The following CNTNAP2 variants were observed in gnomAD, a reference collection of about 807,000 sequenced individuals.
CNTNAP2 encodes the protein contactin-associated protein-like 2.
CNTNAP2 carries 98 observed loss-of-function variants against 155.2 expected under a neutral mutation model. The observed-to-expected ratio is 0.63, with a 90% CI of 0.54 to 0.75. The LOEUF (loss-of-function observed/expected upper bound fraction) is 0.75. Ranked by LOEUF, CNTNAP2 falls within the 30% of genes least tolerant of loss-of-function variation. CNTNAP2 has a pLI of 0.00. For missense variants in CNTNAP2, 1,727 were observed against 1,688.1 expected (o/e 1.02, Z -0.40); for synonymous variants, 651 against 631.2 (o/e 1.03, Z -0.47).
intron 1 of CNTNAP2, among the ~76,000 whole-genome samples, chr7:146,426,594 A>G (rs1796095258): frequency 6.7e-6 from 1 of 149,790 alleles, no homozygotes; most frequent in Non-Finnish European, 1.5e-5. Context: ...AGCCAAAAGT[A>G]TTACAGTGAC....
chr7:148,172,407 G>A lies in CNTNAP2; in HGVS notation c.2939G>A (p.Cys980Tyr). The part of the protein sequence containing the change: ...YGTNCENGGK[C>Y]LERYHGYSCD... Reference sequence around the variant, plus strand: ...ACAAACTGTGAAAATGGAGGCAAATGCCTAGAGAGATACCACGGTTACTCC... The same window carrying A: ...ACAAACTGTGAAAATGGAGGCAAATACCTAGAGAGATACCACGGTTACTCC... Residue 980 changes from cysteine to tyrosine, a missense_variant, in exon 18 of 24, where the codon TGC becomes TAC. Cys to Tyr is a radical substitution (Grantham distance 194). Transcript: ENST00000361727. The A allele has an allele frequency of 1.2e-6, 2 of 1,614,148 alleles. No individual in the cohort carries two copies. Among genetic ancestry groups the A allele is most frequent in the Non-Finnish European group, 1.7e-6 (2 of 1,180,034 alleles).
At chr7:146,947,967 G>C (rs1243097248) in intron 3 of CNTNAP2, among the ~76,000 whole-genome samples, 1 of 151,968 alleles carries the variant, frequency 6.6e-6, no homozygotes, top group Non-Finnish European at 1.5e-5. Context: ...AATTTTAAAT[G>C]CTTTTTAAAA....
At chr7:146,284,401 A>T (rs1049706493) in intron 1 of CNTNAP2, among the ~76,000 whole-genome samples, 1 of 152,024 alleles carries the variant, frequency 6.6e-6, no homozygotes, top group African/African-American at 2.4e-5. Flanking sequence ...TAAAAGCTTT[A>T]CAAGGTTGAT....
At chr7:147,840,822 G>T (rs1252041959) in intron 13 of CNTNAP2, among the ~76,000 whole-genome samples, 1 of 152,000 alleles carries the variant, frequency 6.6e-6, no homozygotes, top group Non-Finnish European at 1.5e-5. Context: ...CTAGATTCTT[G>T]GTTTGGATGA....
At chr7:147,674,389 C>G (rs1361527297) in intron 13 of CNTNAP2, among the ~76,000 whole-genome samples, 13 of 152,128 alleles carry the variant, frequency 8.5e-5, no homozygotes. Context: ...CAAACCACTT[C>G]ATTTGCAAAC....
At chr7:146,580,224 C>G (rs966801970) in intron 1 of CNTNAP2, among the ~76,000 whole-genome samples, 3 of 151,994 alleles carry the variant, frequency 2.0e-5, no homozygotes, top group African/African-American at 7.2e-5. Context: ...TCATACTTTA[C>G]CTAGATAACC....
intron 20 of CNTNAP2, among the ~76,000 whole-genome samples, chr7:148,251,842 A>G (rs1042145809): frequency 1.3e-5 from 2 of 152,196 alleles, no homozygotes; most frequent in African/African-American, 4.8e-5. Context: ...TGATTATGCT[A>G]CATTGCTTGG....
At chr7:148,082,707 T>A (rs1803636870) in intron 15 of CNTNAP2, among the ~76,000 whole-genome samples, 1 of 151,726 alleles carries the variant, frequency 6.6e-6, no homozygotes, top group African/African-American at 2.4e-5. Context: ...TGTGACAGAG[T>A]CTCACTCTGT....
intron 1 of CNTNAP2, among the ~76,000 whole-genome samples, chr7:146,362,445 A>C (rs1795095301): frequency 6.6e-6 from 1 of 152,148 alleles, no homozygotes; most frequent in Non-Finnish European, 1.5e-5. Context: ...TCATAAGAAG[A>C]CACGCTTCAT....
At chr7:146,325,743 C>A (rs1472221192) in intron 1 of CNTNAP2, among the ~76,000 whole-genome samples, 1 of 151,972 alleles carries the variant, frequency 6.6e-6, no homozygotes, top group Non-Finnish European at 1.5e-5. Context: ...TCCTTCATTC[C>A]TACTTTCCCT....
At chr7:146,909,112 G>A (rs1796216043) in intron 3 of CNTNAP2, among the ~76,000 whole-genome samples, 1 of 152,112 alleles carries the variant, frequency 6.6e-6, no homozygotes, top group Non-Finnish European at 1.5e-5. Context: ...GGAAGAAGTT[G>A]AATCTCTGAA....
At chr7:146,254,163 A>ACACAC (rs754212213) in intron 1 of CNTNAP2, among the ~76,000 whole-genome samples, 59 of 129,228 alleles carry the variant, frequency 4.6e-4, no homozygotes, top group Middle Eastern at 4.2e-3. Flanking sequence ...ACACACACAC[A>ACACAC]AGCAAACACA....
intron 1 of CNTNAP2, among the ~76,000 whole-genome samples, chr7:146,676,080 T>A (rs1800393505): frequency 6.6e-6 from 1 of 152,316 alleles, no homozygotes; most frequent in East Asian, 1.9e-4. Context: ...TCTATAATCT[T>A]GTGTTCTATA....
chr7:146,461,916 G>A (rs1796642728), intron 1 of CNTNAP2, among the ~76,000 whole-genome samples: 3 of 152,194 alleles, frequency 2.0e-5, no homozygotes, highest in African/African-American at 4.8e-5. Context: ...AACCAGAAAT[G>A]TGAAAGATAA....
At chr7:147,425,549 C>T (rs1035311683) in intron 10 of CNTNAP2, among the ~76,000 whole-genome samples, 2 of 152,012 alleles carry the variant, frequency 1.3e-5, no homozygotes, top group Admixed American at 6.6e-5. Flanking sequence ...GCATCCAGCC[C>T]AACCTCACAA....
intron 13 of CNTNAP2, among the ~76,000 whole-genome samples, chr7:147,902,778 TTGTGTGTG>T (rs564991239): frequency 2.3e-4 from 32 of 136,724 alleles, no homozygotes; most frequent in Admixed American, 7.2e-4. Flanking sequence ...TCATATATGT[TTGTGTGTG>T]TGTGTGTGTG....
intron 15 of CNTNAP2, among the ~76,000 whole-genome samples, chr7:147,999,337 A>C (rs537260946): frequency 6.6e-6 from 1 of 152,298 alleles, no homozygotes; most frequent in South Asian, 2.1e-4. Context: ...CGGCCTCCCA[A>C]AGTGCTAGGA....
At chr7:146,148,665 T>C (rs1050224875) in intron 1 of CNTNAP2, among the ~76,000 whole-genome samples, 1 of 152,074 alleles carries the variant, frequency 6.6e-6, no homozygotes, top group African/African-American at 2.4e-5. Context: ...TTTGTCAACA[T>C]GATGAGAAAA....
chr7:146,865,525 G>A (rs745658223), intron 3 of CNTNAP2, among the ~76,000 whole-genome samples: 66 of 152,112 alleles, frequency 4.3e-4, no homozygotes, highest in Non-Finnish European at 6.2e-4. Flanking sequence ...TTTTAATAAA[G>A]CCACCAATAT....
Sources: gnomAD v4.1 joint callset for allele counts (sites outside exome capture counted in the v4.1 genomes callset) on GRCh38, gnomAD v4.1.1 for gene constraint, MANE v1.5 for transcripts, NCBI Gene and HGNC (gene_info 2026-07-23, HGNC 2026-07-21) for gene names.